Variants in SUDS3 observed in about 807,000 individuals in gnomAD.
SUDS3 encodes SIN3A corepressor complex component SDS3.
A neutral mutation model predicts 53.5 loss-of-function variants in SUDS3; 23 were observed. The ratio of observed to expected loss-of-function variants is 0.43; its 90% confidence interval spans 0.31 to 0.61. The LOEUF (loss-of-function observed/expected upper bound fraction) is 0.61. SUDS3 is among the 20% of genes least tolerant of loss of function. SUDS3 has a pLI of 0.10. For missense variants in SUDS3, 291 were observed against 405.9 expected (o/e 0.72, Z 2.43); for synonymous variants, 150 against 148.5 (o/e 1.01, Z -0.08).
rs539854969 is a variant in SUDS3, at chr12:118,388,489, G to A, written c.341-1438G>A. Among the ~76,000 whole-genome samples the A allele has an allele frequency of 8.5e-5, 13 of 152,272 alleles. 1 individual carries two copies. The highest frequency in any genetic ancestry group is 3.4e-3 in the Middle Eastern group (1 of 294). On this transcript the variant is annotated intron_variant, in intron 4 of 11. Coordinates refer to ENST00000543473, the MANE Select transcript of SUDS3 (RefSeq NM_022491.3). ...GGAGCAATTTTGCTTCAAGTTGCGG[G>A]TTTGTAGACAGGTTTGTGCTCTATT...
At chr12:118,410,516 AAAG>A (rs1566211200) in intron 10 of SUDS3, among the ~76,000 whole-genome samples, 3 of 152,088 alleles carry the variant, frequency 2.0e-5, no homozygotes, top group Admixed American at 6.5e-5. Context: ...TTTAGATCCC[AAAG>A]AAGATTAGGT....
intron 11 of SUDS3, among the ~76,000 whole-genome samples, chr12:118,412,166 T>G (rs896165805): frequency 2.0e-5 from 3 of 152,256 alleles, no homozygotes; most frequent in African/African-American, 7.2e-5. Flanking sequence ...GAGGATGATA[T>G]GACTGCCCTC....
rs1199805616 is a variant in SUDS3 at position 118,416,271 on chromosome 12, ATG to A, written c.*1842_*1843del. On this transcript the variant is annotated 3_prime_UTR_variant, in exon 12 of 12. Transcript: ENST00000543473. ...TTGAAGGTGGAGTTTTTCAATGATC[ATG>A]TGTTTTGTCCTCCTAAACAGTATAC... 1 of 152,160 alleles carries A rather than the reference ATG, an allele frequency of 6.6e-6. No homozygotes were observed. The highest frequency in any genetic ancestry group is 1.5e-5 in the Non-Finnish European group (1 of 68,012). The allele number at this position is 152,160 out of a possible 1,614,324, so 9.4% of individuals were successfully genotyped here.
chr12:118,408,691 G>GT (rs79562390), intron 10 of SUDS3, among the ~76,000 whole-genome samples: 624 of 142,880 alleles, frequency 4.4e-3, no homozygotes, highest in South Asian at 0.011. Flanking sequence ...GTTTTTTTTG[G>GT]TTTTTTTTTT....
chr12:118,412,798 A>G (rs192612174), intron 11 of SUDS3, among the ~76,000 whole-genome samples: 1,707 of 152,228 alleles, frequency 0.011, 36 homozygotes, highest in African/African-American at 0.039. Context: ...GCGTCTTGAC[A>G]TAATAGAGTG....
At chr12:118,404,617 T>C (rs1444910632) in intron 10 of SUDS3, 1 of 152,248 alleles carries the variant, frequency 6.6e-6, no homozygotes, top group Non-Finnish European at 1.5e-5. Context: ...TTCTGATATA[T>C]TTCTTTTTAT....
In SUDS3 at chr12:118,384,712, A is replaced by G. The variant is rs1306325428; in HGVS notation, c.268+645A>G. Among the ~76,000 whole-genome samples the G allele has an allele frequency of 2.0e-5, 3 of 152,304 alleles. No homozygotes were observed. In the East Asian group the frequency reaches 5.8e-4, roughly 29 times the overall value. On this transcript the variant is annotated intron_variant, in intron 3 of 11. Coordinates refer to ENST00000543473, the MANE Select transcript of SUDS3 (RefSeq NM_022491.3). ...GCTGGGCGTTGTAGTGGGCACCTGTAGTCCCAGCTACTCTGGAGGCTGAGG... is the reference window on the plus strand; with the variant it reads ...GCTGGGCGTTGTAGTGGGCACCTGTGGTCCCAGCTACTCTGGAGGCTGAGG...
rs1263300824 is a variant in SUDS3, at chr12:118,416,644, T to G, written c.*2211T>G. On this transcript the variant is annotated 3_prime_UTR_variant, in exon 12 of 12. Coordinates refer to ENST00000543473, the MANE Select transcript of SUDS3 (RefSeq NM_022491.3). ...TAATCCCAGAGGACTTAATATTTTC[T>G]TTTGTCACCCCAGAGGTGAAAAATC... is the stretch of plus-strand genomic sequence containing the variant. The G allele has an allele frequency of 6.6e-6, 1 of 152,192 alleles. No individual in the cohort carries two copies. Among genetic ancestry groups the G allele is most frequent in the Non-Finnish European group, 1.5e-5 (1 of 68,044 alleles). The allele number at this position is 152,192 out of a possible 1,614,324, so 9.4% of individuals were successfully genotyped here. A position where few individuals can be genotyped will look rare whatever the true frequency, so the allele number is the denominator to read the frequency against.
At chr12:118,401,679 TA>T in intron 7 of SUDS3, 79 bp from the exon 8 acceptor site, 2 of 1,186,232 alleles carry the variant, frequency 1.7e-6, no homozygotes, top group Non-Finnish European at 2.5e-6. Flanking sequence ...TTGTAAATTC[TA>T]AAATACTGGT....
intron 5 of SUDS3, among the ~76,000 whole-genome samples, chr12:118,390,742 C>G (rs2046159260): frequency 6.6e-6 from 1 of 152,136 alleles, no homozygotes; most frequent in Admixed American, 6.6e-5. Context: ...AAATGTTGTT[C>G]CATTCTTTTG....
chr12:118,395,912 C>T (rs560502791), intron 6 of SUDS3, among the ~76,000 whole-genome samples: 75 of 151,986 alleles, frequency 4.9e-4, no homozygotes, highest in Non-Finnish European at 8.7e-4. Flanking sequence ...AGGCTGGTCT[C>T]GAACTCCTGA....
chr12:118,413,037 C>G (rs1222468911), intron 11 of SUDS3, among the ~76,000 whole-genome samples: 1 of 152,180 alleles, frequency 6.6e-6, no homozygotes, highest in African/African-American at 2.4e-5. Flanking sequence ...GGATGACTCC[C>G]TGACTTAGCT....
intron 4 of SUDS3, among the ~76,000 whole-genome samples, chr12:118,389,683 T>G (rs766857420): frequency 2.0e-5 from 3 of 152,158 alleles, no homozygotes; most frequent in Non-Finnish European, 4.4e-5. Flanking sequence ...GCCTGGCTAA[T>G]TTTTATATTT....
intron 5 of SUDS3, chr12:118,390,867 G>A: frequency 4.1e-6 from 2 of 485,970 alleles, no homozygotes; most frequent in South Asian, 4.0e-5. Context: ...TGAGAAATGT[G>A]TTTTAGTATA....
At chr12:118,379,747 A>C (rs557865199) in intron 1 of SUDS3, among the ~76,000 whole-genome samples, 1 of 152,238 alleles carries the variant, frequency 6.6e-6, no homozygotes, top group African/African-American at 2.4e-5. Context: ...TTTCTGCAGA[A>C]GTAGCAGCCT....
At chr12:118,410,580 T>TTTTATTTATTTA (rs376070753) in intron 10 of SUDS3, among the ~76,000 whole-genome samples, 83 of 133,612 alleles carry the variant, frequency 6.2e-4, no homozygotes, top group African/African-American at 2.4e-3. Flanking sequence ...TATTTATTTA[T>TTTTATTTATTTA]TTTATTTATT....
At chr12:118,386,217 T>A (rs1322631799) in intron 4 of SUDS3, 32 bp downstream of exon 4, 1 of 1,534,974 alleles carries the variant, frequency 6.5e-7, no homozygotes, top group African/African-American at 1.4e-5. Context: ...ATGAATCATC[T>A]TTCAATGTTT....
At chr12:118,391,815 C>T (rs891403892) in intron 6 of SUDS3, among the ~76,000 whole-genome samples, 1 of 152,178 alleles carries the variant, frequency 6.6e-6, no homozygotes, top group Non-Finnish European at 1.5e-5. Context: ...TTAGATCTCT[C>T]CTGCCAGGTG....
intron 2 of SUDS3, among the ~76,000 whole-genome samples, chr12:118,381,211 A>AT (rs569289273): frequency 1.8e-3 from 269 of 147,142 alleles, no homozygotes; most frequent in African/African-American, 4.4e-3. Flanking sequence ...TATTTGTTTA[A>AT]TTTTTTTTTT....
Sources: gnomAD v4.1 joint callset for allele counts (sites outside exome capture counted in the v4.1 genomes callset) on GRCh38, gnomAD v4.1.1 for gene constraint, MANE v1.5 for transcripts, NCBI Gene and HGNC (gene_info 2026-07-23, HGNC 2026-07-21) for gene names.